OSBPL8: variants seen among roughly 807,000 people sequenced by gnomAD.
OSBPL8 encodes the protein oxysterol-binding protein-related protein 8.
OSBPL8 carries 59 observed loss-of-function variants against 125.5 expected under a neutral mutation model. The observed-to-expected ratio is 0.47, with a 90% confidence interval of 0.38 to 0.58. The LOEUF (loss-of-function observed/expected upper bound fraction) is 0.58, where lower values mean the gene tolerates loss of function less well. Ranked by LOEUF, OSBPL8 falls within the 20% of genes least tolerant of loss-of-function variation. The probability of loss-of-function intolerance (pLI) is 0.00; values close to 1 mark genes in which losing one functional copy is unlikely to be tolerated. For synonymous variants in OSBPL8, 330 were observed against 338.9 expected, an observed-to-expected ratio of 0.97 and a Z score of 0.29; for missense variants, 758 against 1,047.8, an observed-to-expected ratio of 0.72 and a Z score of 3.82.
At chr12:76,509,099 T>A (rs757189726) in intron 1 of OSBPL8, among the ~76,000 whole-genome samples, 2 of 152,242 alleles carry the variant, frequency 1.3e-5, no homozygotes, top group Non-Finnish European at 2.9e-5. Flanking sequence ...AGGTCAATAG[T>A]GCAAAGCAGT....
chr12:76,424,836 A>T (rs1473548288), intron 4 of OSBPL8, among the ~76,000 whole-genome samples: 2 of 150,224 alleles, frequency 1.3e-5, no homozygotes, highest in Non-Finnish European at 2.9e-5. Flanking sequence ...GGGGTATTTT[A>T]AAAAAATAAA....
At chr12:76,376,795 C>CT (rs1952834404) in intron 16 of OSBPL8, among the ~76,000 whole-genome samples, 1 of 152,076 alleles carries the variant, frequency 6.6e-6, no homozygotes, top group Non-Finnish European at 1.5e-5. Context: ...GATTTCTCAA[C>CT]TGTGTGTTCT....
chr12:76,449,926 G>C (rs971293782), intron 4 of OSBPL8, among the ~76,000 whole-genome samples: 1 of 151,962 alleles, frequency 6.6e-6, no homozygotes, highest in Non-Finnish European at 1.5e-5. Flanking sequence ...TCAAGTTTTG[G>C]CATATTATCA....
intron 9 of OSBPL8, 134 bp downstream of exon 9, chr12:76,394,511 A>C: frequency 4.5e-6 from 3 of 661,490 alleles, no homozygotes; most frequent in Middle Eastern, 2.8e-4. Context: ...TAGCATTCAA[A>C]ACAATTTATG....
intron 2 of OSBPL8, among the ~76,000 whole-genome samples, chr12:76,478,541 G>T (rs1228162268): frequency 6.6e-6 from 1 of 151,686 alleles, no homozygotes; most frequent in Non-Finnish European, 1.5e-5. Flanking sequence ...CTCCAATGAG[G>T]CTCCCCAAAT....
At chr12:76,375,726 G>A (rs1189234524) in intron 16 of OSBPL8, among the ~76,000 whole-genome samples, 1 of 144,818 alleles carries the variant, frequency 6.9e-6, no homozygotes, top group Non-Finnish European at 1.5e-5. Context: ...TCTTGGTTCA[G>A]CTCCCACATT....
At chr12:76,406,596 G>A (rs1954271145) in intron 5 of OSBPL8, among the ~76,000 whole-genome samples, 1 of 152,106 alleles carries the variant, frequency 6.6e-6, no homozygotes, top group Non-Finnish European at 1.5e-5. Context: ...AAAAAGCCTA[G>A]GAAAAGGTGC....
chr12:76,540,487 CGTGTGTGTGTGTGTGTGTGTGTGTGT>C (rs59101769), intron 1 of OSBPL8, among the ~76,000 whole-genome samples: 5 of 141,658 alleles, frequency 3.5e-5, no homozygotes, highest in African/African-American at 7.8e-5. Context: ...ATTATATAGT[CGTGTGTGTGTGTGTGTGTGTGTGTGT>C]GTGTGTGTGT....
intron 18 of OSBPL8, among the ~76,000 whole-genome samples, chr12:76,373,016 A>G (rs982503549): frequency 1.3e-5 from 2 of 152,182 alleles, no homozygotes; most frequent in Admixed American, 6.6e-5. Context: ...AAACAATAAT[A>G]AAATGGGCAT....
intron 3 of OSBPL8, among the ~76,000 whole-genome samples, chr12:76,457,442 ACCTTT>A (rs1330046899): frequency 6.6e-6 from 1 of 152,160 alleles, no homozygotes; most frequent in Non-Finnish European, 1.5e-5. Context: ...GATATACCTA[ACCTTT>A]CCTTTATTTT....
At chr12:76,473,192 C>T (rs751049397) in intron 2 of OSBPL8, among the ~76,000 whole-genome samples, 14 of 151,990 alleles carry the variant, frequency 9.2e-5, no homozygotes, top group Admixed American at 1.3e-4. Context: ...GATTATAGAG[C>T]GAGGATTATT....
chr12:76,458,837 ATT>A (rs1247348351), intron 3 of OSBPL8, among the ~76,000 whole-genome samples: 2 of 152,134 alleles, frequency 1.3e-5, no homozygotes, highest in African/African-American at 4.8e-5. Flanking sequence ...AACCTTTACC[ATT>A]TTCTCATTCA....
intron 20 of OSBPL8, 145 bp from the exon 21 acceptor site, chr12:76,369,446 C>T (rs1952539042): frequency 7.2e-7 from 1 of 1,394,088 alleles, no homozygotes; most frequent in African/African-American, 1.5e-5. Context: ...TTCAGATCCT[C>T]AACTTATTTT....
At chr12:76,552,428 CAAAAAAAAA>C (rs55942644) in intron 1 of OSBPL8, among the ~76,000 whole-genome samples, 1 of 54,856 alleles carries the variant, frequency 1.8e-5, no homozygotes, top group South Asian at 9.4e-4. Context: ...CCCATGTCTC[CAAAAAAAAA>C]AAAAAAAAAA....
chr12:76,391,081 C>G (rs978235720), intron 10 of OSBPL8, among the ~76,000 whole-genome samples: 1 of 152,064 alleles, frequency 6.6e-6, no homozygotes, highest in Non-Finnish European at 1.5e-5. Context: ...AGATTCTCAA[C>G]TGAACTCAAA....
intron 17 of OSBPL8, among the ~76,000 whole-genome samples, chr12:76,375,061 G>T (rs556362891): frequency 6.6e-6 from 1 of 152,216 alleles, no homozygotes; most frequent in East Asian, 1.9e-4. Flanking sequence ...TGTCTTTTGT[G>T]TTAATTTGAA....
intron 1 of OSBPL8, among the ~76,000 whole-genome samples, chr12:76,492,272 A>C (rs995721789): frequency 2.6e-5 from 4 of 152,170 alleles, no homozygotes; most frequent in Non-Finnish European, 5.9e-5. Context: ...AGGTAAGAAG[A>C]AGCTGCCAGT....
intron 4 of OSBPL8, among the ~76,000 whole-genome samples, chr12:76,413,483 G>A (rs1431238275): frequency 6.6e-6 from 1 of 152,162 alleles, no homozygotes; most frequent in African/African-American, 2.4e-5. Context: ...AATGTATCGT[G>A]GTAGACACCT....
In OSBPL8 at chr12:76,492,202, G is replaced by A. The variant is rs1292111914; in HGVS notation, c.-67-4584C>T. Among the ~76,000 whole-genome samples the A allele has an allele frequency of 2.0e-5, 3 of 152,148 alleles. No homozygotes were observed. The East Asian group carries it at 5.8e-4, about 29-fold the overall frequency. On this transcript the variant is annotated intron_variant, in intron 1 of 23. Coordinates refer to ENST00000261183, the MANE Select transcript of OSBPL8 (RefSeq NM_020841.5). ...AGGTGTCATTGAAAAGGTGACATGT[G>A]AGCAATGATTTGAAGTAGGGAGAAA...
Sources: gnomAD v4.1 joint callset for allele counts (sites outside exome capture counted in the v4.1 genomes callset) on GRCh38, gnomAD v4.1.1 for gene constraint, MANE v1.5 for transcripts, NCBI Gene and HGNC (gene_info 2026-07-23, HGNC 2026-07-21) for gene names.